DYM: variants seen among roughly 807,000 people sequenced by gnomAD.
DYM encodes dyggve-Melchior-Clausen syndrome protein.
Under a neutral mutation model 93.1 loss-of-function variants are expected in DYM, and 78 were observed. The ratio of observed to expected loss-of-function variants is 0.84; its 90% CI spans 0.70 to 1.01. The LOEUF (loss-of-function observed/expected upper bound fraction) is 1.01. DYM is among the 50% of genes least tolerant of loss of function. The pLI, the probability that DYM is intolerant of heterozygous loss-of-function variation, is 0.00. For synonymous variants in DYM, 321 were observed against 319.7 expected (o/e 1.00, Z -0.04); for missense variants, 789 against 845.0 (o/e 0.93, Z 0.82).
chr18:49,254,155 A>T (rs2094343315), intron 13 of DYM, among the ~76,000 whole-genome samples: 1 of 151,904 alleles, frequency 6.6e-6, no homozygotes, highest in Non-Finnish European at 1.5e-5. Flanking sequence ...TTTCAATGAG[A>T]AGCCTTCTTG....
At chr18:49,435,923 A>G (rs1428043365) in intron 1 of DYM, among the ~76,000 whole-genome samples, 1 of 152,212 alleles carries the variant, frequency 6.6e-6, no homozygotes, top group African/African-American at 2.4e-5. Flanking sequence ...CGTCCATATT[A>G]AACATGATGA....
intron 13 of DYM, among the ~76,000 whole-genome samples, chr18:49,232,306 CT>C (rs937503109): frequency 5.3e-4 from 75 of 141,956 alleles, no homozygotes; most frequent in South Asian, 1.3e-3. Flanking sequence ...TTGATTTTTT[CT>C]TTTTTTTTTT....
At chr18:49,074,343 A>G (rs1327342848) in intron 17 of DYM, among the ~76,000 whole-genome samples, 1 of 152,238 alleles carries the variant, frequency 6.6e-6, no homozygotes, top group African/African-American at 2.4e-5. Context: ...GAGATGATTT[A>G]AAGTATACAG....
At chr18:49,409,285 A>G (rs1251611108) in intron 2 of DYM, among the ~76,000 whole-genome samples, 3 of 146,908 alleles carry the variant, frequency 2.0e-5, no homozygotes. Flanking sequence ...CTCTGTCTCA[A>G]AAAAAAAAAA....
At position 49,039,218 on chromosome 18, in the gene DYM, A is replaced by G. The variant is rs990702139; in HGVS notation, c.*4837T>C. ...TTGGCAGTCATTTTCTTTCAGAACC[A>G]TAAAAGGCAGTATTTCACTGTCTTC... On this transcript the variant is annotated 3_prime_UTR_variant, in exon 18 of 18. Transcript: ENST00000675505. Among the ~76,000 whole-genome samples the G allele has an allele frequency of 2.0e-5, 3 of 152,220 alleles. No individual in the cohort carries two copies. The highest frequency in any genetic ancestry group is 7.2e-5 in the African/African-American group (3 of 41,456).
At chr18:49,175,808 ATCT>A (rs1459982111) in intron 14 of DYM, among the ~76,000 whole-genome samples, 1 of 152,158 alleles carries the variant, frequency 6.6e-6, no homozygotes, top group Admixed American at 6.5e-5. Flanking sequence ...ACAATAACTC[ATCT>A]TCTTCAAAAA....
At chr18:49,051,946 C>T (rs540073748) in intron 17 of DYM, among the ~76,000 whole-genome samples, 25 of 152,340 alleles carry the variant, frequency 1.6e-4, no homozygotes, top group African/African-American at 5.5e-4. Context: ...GCGCATTCCC[C>T]GAACCATAGC....
Position 49,332,149 on chromosome 18 carries a change from C to A in DYM, c.621-143G>T, listed in dbSNP as rs904428353. ...CACAACTCACAGAAATTGAGCACTG[C>A]ACACAACAGTGAAGACCATGGGCTT... On this transcript the variant is annotated intron_variant, in intron 7 of 17. Transcript: ENST00000675505. 1.3e-5 allele frequency: 11 copies of A among 848,150 alleles called. No homozygotes were observed. The East Asian group carries it at 2.4e-4, about 19-fold the overall frequency. The allele number at this position is 848,150 out of a possible 1,614,324, so 52.5% of individuals were successfully genotyped here. A position where few individuals can be genotyped will look rare whatever the true frequency, so the allele number is the denominator to read the frequency against.
intron 3 of DYM, among the ~76,000 whole-genome samples, chr18:49,385,147 A>T (rs2068468697): frequency 6.6e-6 from 1 of 152,192 alleles, no homozygotes; most frequent in Non-Finnish European, 1.5e-5. Context: ...CAAAACAAGA[A>T]GTGAGGATAC....
intron 13 of DYM, among the ~76,000 whole-genome samples, chr18:49,218,257 A>G (rs1481505868): frequency 6.6e-6 from 1 of 152,224 alleles, no homozygotes; most frequent in Non-Finnish European, 1.5e-5. Flanking sequence ...TCATAAAGCA[A>G]GTCCTGAGGG....
chr18:49,053,371 A>C (rs553865704), intron 17 of DYM, among the ~76,000 whole-genome samples: 1 of 152,308 alleles, frequency 6.6e-6, no homozygotes, highest in African/African-American at 2.4e-5. Context: ...CTTCCACCTA[A>C]AGATGATATA....
At chr18:49,107,277 G>C (rs970185974) in intron 16 of DYM, among the ~76,000 whole-genome samples, 2 of 152,096 alleles carry the variant, frequency 1.3e-5, no homozygotes, top group Non-Finnish European at 2.9e-5. Flanking sequence ...AAGGACTTCT[G>C]TGCATTGGTT....
chr18:49,366,118 C>T (rs1273052607), intron 5 of DYM, among the ~76,000 whole-genome samples: 1 of 152,076 alleles, frequency 6.6e-6, no homozygotes, highest in African/African-American at 2.4e-5. Flanking sequence ...ATTCTTGTTT[C>T]TCAGCTAATC....
At chr18:49,347,743 G>A (rs1345028537) in intron 6 of DYM, among the ~76,000 whole-genome samples, 2 of 152,164 alleles carry the variant, frequency 1.3e-5, no homozygotes, top group Non-Finnish European at 2.9e-5. Flanking sequence ...TATCTTAAGT[G>A]CCAAATAATC....
intron 17 of DYM, among the ~76,000 whole-genome samples, chr18:49,091,860 G>A (rs548175380): frequency 1.5e-4 from 23 of 151,902 alleles, no homozygotes; most frequent in Non-Finnish European, 1.8e-4. Flanking sequence ...TGATCTGCCC[G>A]CCTCCAGCTC....
chr18:49,089,252 A>G (rs2078834477), intron 17 of DYM, among the ~76,000 whole-genome samples: 1 of 152,220 alleles, frequency 6.6e-6, no homozygotes. Context: ...TGTTAACTGA[A>G]TAGTAAACAA....
intron 16 of DYM, among the ~76,000 whole-genome samples, chr18:49,100,178 T>C (rs1228919617): frequency 6.6e-6 from 1 of 152,174 alleles, no homozygotes. Context: ...AATCTCCTTA[T>C]TTTTAGATGA....
chr18:49,204,435 A>C (rs571018928), intron 14 of DYM, among the ~76,000 whole-genome samples: 4 of 152,360 alleles, frequency 2.6e-5, no homozygotes, highest in South Asian at 4.1e-4. Context: ...GGCCTAATTA[A>C]AACAATAGTA....
chr18:49,267,092 A>G (rs534680519), intron 11 of DYM, among the ~76,000 whole-genome samples: 3 of 152,308 alleles, frequency 2.0e-5, no homozygotes, highest in African/African-American at 7.2e-5. Context: ...TAAAGTTTTA[A>G]CTTTTTTAAA....
Sources: gnomAD v4.1 joint callset for allele counts (sites outside exome capture counted in the v4.1 genomes callset) on GRCh38, gnomAD v4.1.1 for gene constraint, MANE v1.5 for transcripts, NCBI Gene and HGNC (gene_info 2026-07-23, HGNC 2026-07-21) for gene names.